CTTNBP2: variants seen among roughly 807,000 people sequenced by gnomAD.
The protein encoded by CTTNBP2 is cortactin-binding protein 2.
A neutral mutation model predicts 156.9 loss-of-function variants in CTTNBP2; 108 were observed. The ratio of observed to expected loss-of-function variants is 0.69; its 90% CI spans 0.59 to 0.81. The LOEUF (loss-of-function observed/expected upper bound fraction) is 0.81. Among genes scored for constraint, CTTNBP2 ranks in the 30% least tolerant of loss-of-function variants. CTTNBP2 has a pLI of 0.00. For missense variants in CTTNBP2, 1,924 were observed against 2,035.4 expected, an observed-to-expected ratio of 0.95 and a Z score of 1.05; for synonymous variants, 767 against 751.8, an observed-to-expected ratio of 1.02 and a Z score of -0.33.
At chr7:117,777,434 C>T in intron 8 of CTTNBP2, 77 bp downstream of exon 8, 21 of 1,427,674 alleles carry the variant, frequency 1.5e-5, no homozygotes, top group Non-Finnish European at 2.0e-5. Context: ...AATTTAAGTG[C>T]ACTTAATCTA....
chr7:117,783,653 C>A (rs757842394), intron 5 of CTTNBP2, among the ~76,000 whole-genome samples: 1 of 152,130 alleles, frequency 6.6e-6, no homozygotes. Flanking sequence ...CTGAATTAAT[C>A]GACAATCATA....
intron 1 of CTTNBP2, among the ~76,000 whole-genome samples, chr7:117,869,105 T>C (rs1312004112): frequency 6.6e-6 from 1 of 152,160 alleles, no homozygotes; most frequent in East Asian, 1.9e-4. Flanking sequence ...AGCGAGAATC[T>C]AAAGAGAAAA....
At position 117,801,896 on chromosome 7, in the gene CTTNBP2, TA is replaced by T. The variant is rs568204030; in HGVS notation, c.414+8868del. 2.4e-3 allele frequency among the ~76,000 whole-genome samples: 359 copies of T among 151,896 alleles called. 2 individuals carry two copies. Among genetic ancestry groups the T allele is most frequent in the Non-Finnish European group, 4.4e-3 (300 of 67,936 alleles). ...AATTAAAAGTTTGGAAAATGTTTTT[TA>T]TTTTTTTTATTTTTTTATTTTTATT... On this transcript the variant is annotated intron_variant, in intron 3 of 22. Transcript: ENST00000160373.
intron 1 of CTTNBP2, among the ~76,000 whole-genome samples, chr7:117,863,345 G>A (rs1318955304): frequency 6.6e-6 from 1 of 152,226 alleles, no homozygotes; most frequent in African/African-American, 2.4e-5. Flanking sequence ...CCATCCTTCA[G>A]AGATTTCTTG....
Position 117,777,744 on chromosome 7 carries a change from C to G in CTTNBP2, c.2545G>C (p.Ala849Pro), listed in dbSNP as rs752053808. The G allele has an allele frequency of 6.2e-7, 1 of 1,609,206 alleles. No homozygotes were observed. Among genetic ancestry groups the G allele is most frequent in the South Asian group, 1.1e-5 (1 of 90,862 alleles). Residue 849 changes from alanine (A) to proline (P), a missense_variant, in exon 8 of 23, where the codon GCA becomes CCA. Ala to Pro is a conservative substitution (Grantham distance 27). Coordinates refer to ENST00000160373, the MANE Select transcript of CTTNBP2 (RefSeq NM_033427.3). ...TCCACATTACCAGTGTCCACAGCTG[C>G]GTGAACTGGTGTCCAGCCATCCTGA... Reference protein sequence around the residue: ...KTTDGWTPVHAAVDTGNVDSL... With the variant: ...KTTDGWTPVHPAVDTGNVDSL...
chr7:117,714,921 T>G (rs200677562), intron 22 of CTTNBP2, among the ~76,000 whole-genome samples: 107 of 152,334 alleles, frequency 7.0e-4, no homozygotes, highest in Non-Finnish European at 1.2e-3. Flanking sequence ...CTTCCTGGGC[T>G]AAAACCCCCG....
At chr7:117,814,536 C>T (rs1800467688) in intron 2 of CTTNBP2, among the ~76,000 whole-genome samples, 1 of 152,070 alleles carries the variant, frequency 6.6e-6, no homozygotes, top group Non-Finnish European at 1.5e-5. Context: ...AGTGATCTTC[C>T]CACACCTCAG....
At chr7:117,776,392 A>C (rs1798100064) in intron 8 of CTTNBP2, among the ~76,000 whole-genome samples, 1 of 152,124 alleles carries the variant, frequency 6.6e-6, no homozygotes, top group Non-Finnish European at 1.5e-5. Flanking sequence ...TTTGTACAAA[A>C]CCTTTCAATG....
At chr7:117,805,746 T>C (rs1002248638) in intron 3 of CTTNBP2, among the ~76,000 whole-genome samples, 2 of 152,056 alleles carry the variant, frequency 1.3e-5, no homozygotes, top group South Asian at 4.2e-4. Flanking sequence ...TTTAAAAAAA[T>C]TGTTCAGGTC....
rs1259873734 is a variant in CTTNBP2 at position 117,731,039 on chromosome 7, A to T, written c.3877-2772T>A. Among the ~76,000 whole-genome samples, 4 of 152,172 alleles carry T rather than the reference A, an allele frequency of 2.6e-5. No individual in the cohort carries two copies. In the East Asian group the frequency reaches 7.7e-4, roughly 29 times the overall value. The stretch of plus-strand genomic sequence containing the variant: ...TCTTAAGAAGGGGTAAGAGAATTTT[A>T]TTAAGTTTATGTACATGGTACAAGG... On this transcript the variant is annotated intron_variant, in intron 16 of 22. Coordinates refer to ENST00000160373, the MANE Select transcript of CTTNBP2 (RefSeq NM_033427.3).
rs930502837 is a variant in CTTNBP2 at position 117,711,746 on chromosome 7, A to G, written c.4783T>C (p.Cys1595Arg). ...SPLSSHQTTE[C>R]SNSKSKTELG... Reference sequence around the variant, plus strand: ...TCAGTCTTTGATTTACTGTTGCTGCATTCAGTAGTTTGATGGCTGCTGAGA... The same window carrying G: ...TCAGTCTTTGATTTACTGTTGCTGCGTTCAGTAGTTTGATGGCTGCTGAGA... Residue 1595 changes from cysteine (C) to arginine (R), a missense_variant, in exon 23 of 23, where the codon TGC becomes CGC. Transcript: ENST00000160373. The G allele has an allele frequency of 1.9e-6, 3 of 1,613,762 alleles. No homozygotes were observed. The highest frequency in any genetic ancestry group is 2.2e-5 in the South Asian group (2 of 91,046).
intron 2 of CTTNBP2, among the ~76,000 whole-genome samples, chr7:117,839,236 A>G (rs1802136452): frequency 6.6e-6 from 1 of 152,144 alleles, no homozygotes; most frequent in Admixed American, 6.5e-5. Context: ...GTTACCTACA[A>G]CTATCTGAGT....
At position 117,721,145 on chromosome 7, in the gene CTTNBP2, A is replaced by G. The variant is rs1794767315; in HGVS notation, c.4448-15T>C. 6.8e-7 allele frequency: 1 copy of G among 1,462,388 alleles called. No homozygotes were observed. Among genetic ancestry groups the G allele is most frequent in the Admixed American group, 1.7e-5 (1 of 59,616 alleles). 90.6% of individuals were successfully genotyped at this position (1,462,388 alleles called of 1,614,324 possible). A position where few individuals can be genotyped will look rare whatever the true frequency, so the allele number is the denominator to read the frequency against. On this transcript the variant is annotated splice_polypyrimidine_tract_variant and intron_variant, in intron 19 of 22. Transcript: ENST00000160373. ...ATTTTTCATACCTGTTAAAAAAGAG[A>G]ACCATTTTCAATAGATCATTATCCC... is the stretch of plus-strand genomic sequence containing the variant.
intron 2 of CTTNBP2, among the ~76,000 whole-genome samples, chr7:117,821,173 G>C (rs1800941837): frequency 6.6e-6 from 1 of 152,066 alleles, no homozygotes; most frequent in Non-Finnish European, 1.5e-5. Context: ...AATATCTGTG[G>C]AAGTGACAGT....
chr7:117,717,674 T>C (rs1387578337), intron 22 of CTTNBP2, among the ~76,000 whole-genome samples: 1 of 151,774 alleles, frequency 6.6e-6, no homozygotes, highest in Non-Finnish European at 1.5e-5. Context: ...ACTTTGGTAC[T>C]ATCTTAGATT....
chr7:117,714,547 A>G (rs1039114496), intron 22 of CTTNBP2, among the ~76,000 whole-genome samples: 1 of 152,202 alleles, frequency 6.6e-6, no homozygotes, highest in Non-Finnish European at 1.5e-5. Context: ...GAGGAAGGAA[A>G]GGAGACATAC....
At chr7:117,766,996 A>G (rs955097366) in intron 9 of CTTNBP2, 63 bp downstream of exon 9, 4 of 929,460 alleles carry the variant, frequency 4.3e-6, no homozygotes, top group Non-Finnish European at 7.1e-6. Flanking sequence ...AGTTTTTCCC[A>G]TTGTACCAGA....
chr7:117,750,063 A>G (rs1391016155), intron 12 of CTTNBP2, among the ~76,000 whole-genome samples: 1 of 152,140 alleles, frequency 6.6e-6, no homozygotes, highest in South Asian at 2.1e-4. Flanking sequence ...GTGAAACAGG[A>G]TACCAATTTT....
intron 3 of CTTNBP2, among the ~76,000 whole-genome samples, chr7:117,801,935 T>G (rs1169013548): frequency 6.6e-6 from 1 of 152,026 alleles, no homozygotes; most frequent in African/African-American, 2.4e-5. Flanking sequence ...ACTTTAAGTT[T>G]TAGGGTACAT....
Sources: allele counts gnomAD v4.1 joint callset (sites outside exome capture counted in the v4.1 genomes callset), GRCh38; gene constraint gnomAD v4.1.1; transcripts MANE v1.5; gene names NCBI Gene and HGNC (gene_info 2026-07-23, HGNC 2026-07-21).